The following MCF2L variants were observed in gnomAD, a reference collection of about 807,000 sequenced individuals.
The protein encoded by MCF2L is guanine nucleotide exchange factor DBS.
MCF2L carries 97 observed loss-of-function variants against 153.4 expected under a neutral mutation model. That is an observed-to-expected ratio of 0.63 (90% CI 0.54 to 0.75). MCF2L has a LOEUF of 0.75. MCF2L is among the 30% of genes least tolerant of loss of function. MCF2L has a pLI of 0.00. For synonymous variants in MCF2L, 659 were observed against 632.2 expected, an observed-to-expected ratio of 1.04 and a Z score of -0.64; for missense variants, 1,347 against 1,495.2, an observed-to-expected ratio of 0.90 and a Z score of 1.64.
chr13:112,897,542 G>A (rs2081079709), intron 1 of MCF2L, among the ~76,000 whole-genome samples: 1 of 152,184 alleles, frequency 6.6e-6, no homozygotes, highest in African/African-American at 2.4e-5. Flanking sequence ...TGAAATGTAG[G>A]ATGTAAGTCC....
chr13:112,949,690 TA>T (rs59067978), intron 2 of MCF2L, among the ~76,000 whole-genome samples: 2,697 of 145,544 alleles, frequency 0.019, 90 homozygotes, highest in African/African-American at 0.063. Context: ...CATTCATGAT[TA>T]AAAAAAAAAA....
intron 3 of MCF2L, among the ~76,000 whole-genome samples, chr13:113,026,685 C>G (rs2993307): frequency 0.19 from 29,219 of 152,258 alleles, 2,910 homozygotes; most frequent in East Asian, 0.38. Context: ...CTCTCTGTGT[C>G]GTGGTCAGGC....
intron 1 of MCF2L, among the ~76,000 whole-genome samples, chr13:112,973,632 T>C (rs1308550742): frequency 1.3e-5 from 2 of 152,150 alleles, no homozygotes; most frequent in African/African-American, 2.4e-5. Context: ...ACGCCCTCCA[T>C]GCGAAGACGG....
chr13:113,026,120 G>T (rs142915575), intron 3 of MCF2L, among the ~76,000 whole-genome samples: 4 of 23,558 alleles, frequency 1.7e-4, no homozygotes, highest in Non-Finnish European at 3.8e-4. Flanking sequence ...GTTTCATCAT[G>T]GTGGGGTCCC....
At chr13:112,995,794 T>G (rs997416364) in intron 1 of MCF2L, among the ~76,000 whole-genome samples, 3 of 152,048 alleles carry the variant, frequency 2.0e-5, no homozygotes, top group African/African-American at 7.2e-5. Flanking sequence ...CCCTGTGGCA[T>G]GAGAAGGGTG....
intron 1 of MCF2L, among the ~76,000 whole-genome samples, chr13:112,986,649 A>T (rs986594442): frequency 6.6e-6 from 1 of 152,214 alleles, no homozygotes; most frequent in South Asian, 2.1e-4. Context: ...TCTCTGTGAC[A>T]CTGGGGACCC....
At chr13:112,978,298 A>G (rs1357017127) in intron 1 of MCF2L, among the ~76,000 whole-genome samples, 1 of 152,172 alleles carries the variant, frequency 6.6e-6, no homozygotes, top group Non-Finnish European at 1.5e-5. Flanking sequence ...GGGATGCAGC[A>G]CAGACAGCAA....
rs747312269 is a variant in MCF2L, at chr13:113,084,078, T to C, written c.2061+11T>C. 7 of 1,611,114 alleles carry C rather than the reference T, an allele frequency of 4.3e-6. No homozygotes were observed. Among genetic ancestry groups the C allele is most frequent in the Non-Finnish European group, 5.1e-6 (6 of 1,177,498 alleles). ...TGCTTTCTGGAGAGGGTAGGTGGTG[T>C]TTTGACGTGTATTTTGTCACAACTT... On this transcript the variant is annotated intron_variant, in intron 18 of 29. Coordinates refer to ENST00000535094, the MANE Select transcript of MCF2L (RefSeq NM_001112732.3).
chr13:113,050,761 CGGTGGCGGGGGG>C (rs2087242701), intron 4 of MCF2L, among the ~76,000 whole-genome samples: 1 of 2,236 alleles, frequency 4.5e-4, no homozygotes, highest in Non-Finnish European at 1.0e-3. Flanking sequence ...GTGCGGGGGG[CGGTGGCGGGGGG>C]AGGGGGGCGG....
At chr13:112,928,456 T>C (rs1744546219) in intron 2 of MCF2L, among the ~76,000 whole-genome samples, 1 of 152,240 alleles carries the variant, frequency 6.6e-6, no homozygotes, top group Admixed American at 6.5e-5. Context: ...GCACAGAGCC[T>C]ATTTCTGTCT....
upstream of MCF2L, chr13:112,968,467 G>C: frequency 6.3e-7 from 1 of 1,589,366 alleles, no homozygotes; most frequent in Non-Finnish European, 8.5e-7. Context: ...TGCCAACCAT[G>C]GCGAGGGTGG....
At chr13:113,049,905 G>A (rs1204165656) in intron 4 of MCF2L, among the ~76,000 whole-genome samples, 1 of 152,170 alleles carries the variant, frequency 6.6e-6, no homozygotes, top group Non-Finnish European at 1.5e-5. Flanking sequence ...AGAAAAATTA[G>A]ACATTGGAAG....
At position 113,031,966 on chromosome 13, in the gene MCF2L, A is replaced by G. The variant is rs142044133; in HGVS notation, c.278+7208A>G. Among the ~76,000 whole-genome samples the G allele has an allele frequency of 5.5e-3, 843 of 152,298 alleles. 9 individuals are homozygous for G. Among genetic ancestry groups the G allele is most frequent in the Non-Finnish European group, 8.0e-3 (547 of 68,014 alleles). ...TGTGTATAACCACACACGTGCGCAC[A>G]CACACACATGCAAGTGCATGCATAC... On this transcript the variant is annotated intron_variant, in intron 3 of 29. Coordinates refer to ENST00000535094, the MANE Select transcript of MCF2L (RefSeq NM_001112732.3). The surrounding 1 kb of genome is among the most constrained non-coding windows in gnomAD (Gnocchi z 5.5).
At chr13:113,077,251 C>A in intron 13 of MCF2L, 40 bp downstream of exon 13, 1 of 1,478,396 alleles carries the variant, frequency 6.8e-7, no homozygotes, top group Non-Finnish European at 9.0e-7. Flanking sequence ...CTGTGGGACC[C>A]TCGGGGGAGC....
chr13:112,911,236 T>A (rs533310837), intron 2 of MCF2L, among the ~76,000 whole-genome samples: 1 of 152,324 alleles, frequency 6.6e-6, no homozygotes, highest in Non-Finnish European at 1.5e-5. Flanking sequence ...AGGCTGGGTC[T>A]GGTCAGAGGT....
At chr13:113,088,477 A>G (rs1195611029) in intron 24 of MCF2L, 72 bp downstream of exon 24, 4 of 1,607,076 alleles carry the variant, frequency 2.5e-6, no homozygotes, top group East Asian at 2.2e-5. Context: ...GTTCAGAGCA[A>G]CCGCACAGTC....
At chr13:113,077,454 G>T (rs962182737) in intron 13 of MCF2L, among the ~76,000 whole-genome samples, 2 of 152,188 alleles carry the variant, frequency 1.3e-5, no homozygotes, top group African/African-American at 4.8e-5. Context: ...CATCTTGTAG[G>T]CATCGTTGTG....
At chr13:112,899,223 T>TTG (rs148172967) in intron 1 of MCF2L, among the ~76,000 whole-genome samples, 3,849 of 151,756 alleles carry the variant, frequency 0.025, 155 homozygotes, top group African/African-American at 0.085. Flanking sequence ...ACAGATTTAA[T>TTG]TGTGTGTGTG....
At chr13:113,096,286 A>G (rs941317959) in intron 27 of MCF2L, 85 bp from the exon 28 acceptor site, 16 of 1,081,362 alleles carry the variant, frequency 1.5e-5, no homozygotes, top group Non-Finnish European at 2.2e-5. Context: ...CAGGGCGCTA[A>G]GGCCCGGCAC....
Sources: allele counts gnomAD v4.1 joint callset (sites outside exome capture counted in the v4.1 genomes callset), GRCh38; gene constraint gnomAD v4.1.1; non-coding constraint Gnocchi (gnomAD v3.1); transcripts MANE v1.5; gene names NCBI Gene and HGNC (gene_info 2026-07-23, HGNC 2026-07-21).